Variants in CTNND2 observed in about 807,000 individuals in gnomAD.
The protein encoded by CTNND2 is catenin delta-2.
Under a neutral mutation model 144.4 loss-of-function variants are expected in CTNND2, and 22 were observed. That is an observed-to-expected ratio of 0.15 (90% CI 0.11 to 0.22). CTNND2 has a LOEUF of 0.22. CTNND2 is among the 10% of genes least tolerant of loss of function. The pLI is 1.00. For synonymous variants in CTNND2, 751 were observed against 695.6 expected (o/e 1.08, Z -1.25); for missense variants, 1,353 against 1,618.8 (o/e 0.84, Z 2.82).
At chr5:11,526,985 G>A (rs1361767102) in intron 3 of CTNND2, among the ~76,000 whole-genome samples, 2 of 152,186 alleles carry the variant, frequency 1.3e-5, no homozygotes, top group Non-Finnish European at 2.9e-5. Flanking sequence ...GCCAGACACA[G>A]AAGGACAAAT....
At chr5:11,688,139 A>C (rs1381759754) in intron 2 of CTNND2, among the ~76,000 whole-genome samples, 4 of 152,286 alleles carry the variant, frequency 2.6e-5, no homozygotes, top group African/African-American at 7.2e-5. Context: ...GGAAAAGTAT[A>C]TGACTGCCAC....
chr5:11,629,346 G>A (rs1291081029), intron 2 of CTNND2, among the ~76,000 whole-genome samples: 1 of 152,160 alleles, frequency 6.6e-6, no homozygotes, highest in Non-Finnish European at 1.5e-5. Flanking sequence ...AGGTAGAACA[G>A]ATCTATCTGG....
chr5:11,432,127 T>TC (rs562846305), intron 3 of CTNND2, among the ~76,000 whole-genome samples: 2 of 150,400 alleles, frequency 1.3e-5, no homozygotes, highest in Middle Eastern at 3.4e-3. Context: ...GAGGCTTTTT[T>TC]TTTTTTTTTT....
In CTNND2 at chr5:11,157,723, C is replaced by T. The variant is rs774117017; in HGVS notation, c.2159+1853G>A. Reference sequence around the variant, plus strand: ...CTAAAGCCTTCTGTCATGATATGGACGACTGTGACTGTTCTGGTGTCACAG... The same window carrying T: ...CTAAAGCCTTCTGTCATGATATGGATGACTGTGACTGTTCTGGTGTCACAG... On this transcript the variant is annotated intron_variant, in intron 12 of 21. Coordinates refer to ENST00000304623, the MANE Select transcript of CTNND2 (RefSeq NM_001332.4). Among the ~76,000 whole-genome samples the T allele has an allele frequency of 5.3e-5, 8 of 152,208 alleles. No homozygotes were observed. In the South Asian group the frequency reaches 8.3e-4, roughly 16 times the overall value.
chr5:11,466,890 G>A (rs1766729397), intron 3 of CTNND2, among the ~76,000 whole-genome samples: 1 of 152,192 alleles, frequency 6.6e-6, no homozygotes, highest in South Asian at 2.1e-4. Context: ...TGCGTGTACT[G>A]CAGCAACAAC....
intron 1 of CTNND2, among the ~76,000 whole-genome samples, chr5:11,743,496 T>C (rs556831076): frequency 1.2e-4 from 18 of 152,292 alleles, no homozygotes; most frequent in African/African-American, 4.3e-4. Context: ...AACCTGATAC[T>C]TGCAACCAAC....
intron 18 of CTNND2, among the ~76,000 whole-genome samples, chr5:10,993,751 C>T (rs1305912914): frequency 2.0e-5 from 3 of 151,940 alleles, no homozygotes; most frequent in Non-Finnish European, 4.4e-5. Flanking sequence ...TGGCTTTATC[C>T]TATCAGTCAA....
intron 3 of CTNND2, among the ~76,000 whole-genome samples, chr5:11,480,660 G>C (rs1308326068): frequency 2.6e-5 from 4 of 151,950 alleles, no homozygotes. Flanking sequence ...GTGTGTGTGT[G>C]TGTGTGTGTG....
chr5:11,431,863 T>C (rs753545240), intron 3 of CTNND2, among the ~76,000 whole-genome samples: 1 of 152,140 alleles, frequency 6.6e-6, no homozygotes, highest in Non-Finnish European at 1.5e-5. Context: ...TGGTAAAGAA[T>C]GGTAGATAAC....
At chr5:11,662,360 G>C (rs1191338628) in intron 2 of CTNND2, among the ~76,000 whole-genome samples, 1 of 151,052 alleles carries the variant, frequency 6.6e-6, no homozygotes, top group African/African-American at 2.4e-5. Flanking sequence ...TCCCACAATA[G>C]GCCGTCTGCA....
chr5:11,607,573 G>C (rs1780113265), intron 2 of CTNND2, among the ~76,000 whole-genome samples: 1 of 152,056 alleles, frequency 6.6e-6, no homozygotes, highest in Non-Finnish European at 1.5e-5. Flanking sequence ...TAAGATCTAT[G>C]GCAATTCAAT....
intron 16 of CTNND2, among the ~76,000 whole-genome samples, chr5:11,038,665 G>A (rs1501773): frequency 0.023 from 3,551 of 152,242 alleles, 147 homozygotes; most frequent in African/African-American, 0.08. Context: ...CTTTGAATCT[G>A]AAAGTTCTGG....
intron 11 of CTNND2, among the ~76,000 whole-genome samples, chr5:11,181,736 G>T (rs1734989958): frequency 1.4e-5 from 2 of 144,504 alleles, no homozygotes; most frequent in South Asian, 4.6e-4. Flanking sequence ...GTTATGTGTG[G>T]CATGTGTGTG....
intron 10 of CTNND2, among the ~76,000 whole-genome samples, chr5:11,203,957 C>T (rs1737779790): frequency 6.6e-6 from 1 of 152,154 alleles, no homozygotes; most frequent in Admixed American, 6.5e-5. Context: ...CATACTTGAC[C>T]TGAATAGACA....
intron 9 of CTNND2, among the ~76,000 whole-genome samples, chr5:11,311,158 C>A (rs554728372): frequency 3.0e-4 from 38 of 126,700 alleles, no homozygotes; most frequent in Admixed American, 1.1e-3. Flanking sequence ...TCTCCATGAA[C>A]CCTTACCTCA....
intron 9 of CTNND2, among the ~76,000 whole-genome samples, chr5:11,342,436 G>A (rs1754372424): frequency 6.6e-6 from 1 of 152,200 alleles, no homozygotes; most frequent in Admixed American, 6.5e-5. Flanking sequence ...CATTAAAAAT[G>A]TGCCATTGTA....
chr5:11,404,028 A>G (rs1760862815), intron 5 of CTNND2, among the ~76,000 whole-genome samples: 1 of 152,168 alleles, frequency 6.6e-6, no homozygotes, highest in Non-Finnish European at 1.5e-5. Context: ...GAGGACTCCA[A>G]AGAGCTTTAT....
chr5:10,976,415 G>A (rs1736491162), intron 21 of CTNND2, among the ~76,000 whole-genome samples: 1 of 152,196 alleles, frequency 6.6e-6, no homozygotes, highest in South Asian at 2.1e-4. Flanking sequence ...TTGGATGAGG[G>A]ATGTAGAATG....
At chr5:11,707,921 A>C (rs529324668) in intron 2 of CTNND2, among the ~76,000 whole-genome samples, 8 of 152,332 alleles carry the variant, frequency 5.3e-5, no homozygotes, top group African/African-American at 1.9e-4. Context: ...AAAGTTAAAT[A>C]TTTCTAAGAA....
Sources: allele counts gnomAD v4.1 joint callset (sites outside exome capture counted in the v4.1 genomes callset), GRCh38; gene constraint gnomAD v4.1.1; transcripts MANE v1.5; gene names NCBI Gene and HGNC (gene_info 2026-07-23, HGNC 2026-07-21).